The following JAZF1 variants were observed in gnomAD, a reference collection of about 807,000 sequenced individuals.
JAZF1 encodes the protein JAZF zinc finger 1.
A neutral mutation model predicts 26.4 loss-of-function variants in JAZF1; 8 were observed. The ratio of observed to expected loss-of-function variants is 0.30; its 90% CI spans 0.18 to 0.55. JAZF1 has a LOEUF of 0.55. Ranked by LOEUF, JAZF1 falls within the 20% of genes least tolerant of loss-of-function variation. The pLI is 0.94. For synonymous variants in JAZF1, 126 were observed against 122.3 expected, an observed-to-expected ratio of 1.03 and a Z score of -0.20; for missense variants, 199 against 322.0, an observed-to-expected ratio of 0.62 and a Z score of 2.92.
rs79991567 is a variant in JAZF1 at position 27,871,309 on chromosome 7, T to A, written c.385+23911A>T. On this transcript the variant is annotated intron_variant, in intron 3 of 4. Transcript: ENST00000283928. ...TGTGCCAACGGGGTTGTGACATCTG[T>A]AAGGAGATGATCACAATCTTTAGCC... is the stretch of plus-strand genomic sequence containing the variant. Among the ~76,000 whole-genome samples the A allele has an allele frequency of 1.4e-4, 21 of 152,290 alleles. No individual in the cohort carries two copies. The East Asian group carries it at 3.9e-3, about 28-fold the overall frequency.
At chr7:28,069,706 A>G (rs1048971055) in intron 1 of JAZF1, among the ~76,000 whole-genome samples, 2 of 152,140 alleles carry the variant, frequency 1.3e-5, no homozygotes, top group South Asian at 2.1e-4. Context: ...TTCACAGGCA[A>G]TCATGTGCAG....
intron 2 of JAZF1, among the ~76,000 whole-genome samples, chr7:27,942,719 T>C (rs1365441388): frequency 6.6e-6 from 1 of 152,194 alleles, no homozygotes; most frequent in Non-Finnish European, 1.5e-5. Context: ...ACAATGCTTT[T>C]AGTAGAAAAG....
chr7:28,138,302 G>C (rs900627253), intron 1 of JAZF1, among the ~76,000 whole-genome samples: 2 of 152,182 alleles, frequency 1.3e-5, no homozygotes, highest in African/African-American at 4.8e-5. Flanking sequence ...CAGAGAACAA[G>C]TTAATAATGG....
intron 2 of JAZF1, among the ~76,000 whole-genome samples, chr7:27,976,222 T>C (rs1006384615): frequency 5.3e-5 from 8 of 151,804 alleles, no homozygotes; most frequent in Non-Finnish European, 1.2e-4. Flanking sequence ...TGTGTGCGCC[T>C]GTAGTCCCAG....
chr7:27,976,472 T>C (rs1480806012), intron 2 of JAZF1, among the ~76,000 whole-genome samples: 2 of 152,040 alleles, frequency 1.3e-5, no homozygotes, highest in Non-Finnish European at 2.9e-5. Flanking sequence ...TCAACTGATG[T>C]CCATAAAAAT....
chr7:27,936,504 T>TA (rs1784764608), intron 2 of JAZF1, among the ~76,000 whole-genome samples: 1 of 152,352 alleles, frequency 6.6e-6, no homozygotes, highest in Admixed American at 6.5e-5. Flanking sequence ...GCCTTACTGC[T>TA]ACCCAATAAT....
At chr7:28,110,593 A>AAGGGAG (rs1784643217) in intron 1 of JAZF1, among the ~76,000 whole-genome samples, 2 of 125,076 alleles carry the variant, frequency 1.6e-5, no homozygotes, top group African/African-American at 6.0e-5. Flanking sequence ...AGGAAAAGGA[A>AAGGGAG]AAGGAAAAGG....
chr7:27,914,908 C>T, intron 2 of JAZF1: 1 of 456,622 alleles, frequency 2.2e-6, no homozygotes, highest in Non-Finnish European at 4.5e-6. Context: ...TTATTCATGG[C>T]AGTAACCAGA....
At chr7:27,951,755 G>A (rs1444860307) in intron 2 of JAZF1, among the ~76,000 whole-genome samples, 1 of 152,204 alleles carries the variant, frequency 6.6e-6, no homozygotes, top group Non-Finnish European at 1.5e-5. Flanking sequence ...ACACTGCTCA[G>A]CCATCTCCTA....
chr7:28,123,273 G>A (rs1002232178), intron 1 of JAZF1, among the ~76,000 whole-genome samples: 14 of 152,000 alleles, frequency 9.2e-5, no homozygotes, highest in African/African-American at 2.9e-4. Context: ...CCCCTTCATC[G>A]AAGTAAGTCT....
chr7:27,887,003 G>A (rs1268435820), intron 3 of JAZF1, among the ~76,000 whole-genome samples: 1 of 152,158 alleles, frequency 6.6e-6, no homozygotes, highest in East Asian at 1.9e-4. Flanking sequence ...CACAGGAACA[G>A]AAAACCAAAT....
intron 2 of JAZF1, among the ~76,000 whole-genome samples, chr7:27,935,145 A>G (rs1784746721): frequency 6.6e-6 from 1 of 152,246 alleles, no homozygotes; most frequent in African/African-American, 2.4e-5. Flanking sequence ...CAAAATCGCA[A>G]CGAGATTCCA....
intron 1 of JAZF1, among the ~76,000 whole-genome samples, chr7:28,032,844 T>G (rs896048270): frequency 6.6e-6 from 1 of 152,118 alleles, no homozygotes; most frequent in Non-Finnish European, 1.5e-5. Context: ...GCCCAGTCTT[T>G]GACCCTAACC....
At chr7:28,132,853 C>G (rs1333094788) in intron 1 of JAZF1, among the ~76,000 whole-genome samples, 1 of 152,112 alleles carries the variant, frequency 6.6e-6, no homozygotes, top group Non-Finnish European at 1.5e-5. Context: ...CCCACCCCTA[C>G]CCATCTCTGA....
At chr7:28,152,151 T>C (rs1783120761) in intron 1 of JAZF1, among the ~76,000 whole-genome samples, 1 of 152,216 alleles carries the variant, frequency 6.6e-6, no homozygotes, top group African/African-American at 2.4e-5. Context: ...AGTTCTCTTA[T>C]ATAAAACAAC....
intron 3 of JAZF1, among the ~76,000 whole-genome samples, chr7:27,874,767 A>G (rs1783646181): frequency 6.6e-6 from 1 of 152,178 alleles, no homozygotes; most frequent in Non-Finnish European, 1.5e-5. Context: ...ATGATCAATG[A>G]GGGCTGGCTT....
chr7:27,943,176 A>G (rs1562536036), intron 2 of JAZF1, among the ~76,000 whole-genome samples: 1 of 152,182 alleles, frequency 6.6e-6, no homozygotes, highest in Non-Finnish European at 1.5e-5. Context: ...CCAGAATAGA[A>G]GGGGACTGTC....
intron 1 of JAZF1, among the ~76,000 whole-genome samples, chr7:28,024,201 G>A (rs565538132): frequency 3.9e-5 from 6 of 152,222 alleles, no homozygotes; most frequent in Non-Finnish European, 5.9e-5. Flanking sequence ...AGGTTGCGGC[G>A]GAAGGACTGC....
intron 1 of JAZF1, among the ~76,000 whole-genome samples, chr7:28,014,931 G>C (rs972006432): frequency 1.3e-4 from 20 of 152,288 alleles, no homozygotes; most frequent in Admixed American, 3.9e-4. Context: ...CATTTGCAGA[G>C]AGCAGTGGTT....
Sources: allele counts gnomAD v4.1 joint callset (sites outside exome capture counted in the v4.1 genomes callset), GRCh38; gene constraint gnomAD v4.1.1; transcripts MANE v1.5; gene names NCBI Gene and HGNC (gene_info 2026-07-23, HGNC 2026-07-21).